KLHDC7B: variants seen among roughly 807,000 people sequenced by gnomAD.
KLHDC7B encodes the protein kelch domain containing 7B, also known as kelch domain-containing protein 7B.
KLHDC7B carries 1 observed loss-of-function variant against 0.6 expected under a neutral mutation model. That is an observed-to-expected ratio of 1.71 (90% confidence interval 0.61 to 8.11). KLHDC7B has a LOEUF of 8.11. KLHDC7B is among the 30% of genes most tolerant of loss of function. The pLI is 0.13. For synonymous variants in KLHDC7B, 462 were observed against 405.2 expected, an observed-to-expected ratio of 1.14 and a Z score of -1.68; for missense variants, 993 against 894.9, an observed-to-expected ratio of 1.11 and a Z score of -1.40.
In KLHDC7B at chr22:50,548,925, G is replaced by A. The variant is rs1183101102; in HGVS notation, c.2682G>A (p.Val894=). Residue 894 remains valine, a synonymous_variant, in exon 1 of 1, where the codon GTG becomes GTA. Transcript: ENST00000648057. This position sits in a 1 kb window ranked among gnomAD's most constrained non-coding sequence, Gnocchi z 5.3. ...YALMSDNLLR[V]LGDPCLYRRL... Reference sequence around the variant, plus strand: ...TGATGAGCGACAACCTGCTGCGAGTGCTGGGAGACCCGTGCCTCTACCGCC... The same window carrying A: ...TGATGAGCGACAACCTGCTGCGAGTACTGGGAGACCCGTGCCTCTACCGCC... The A allele has an allele frequency of 1.3e-6, 2 of 1,596,610 alleles. No homozygotes were observed. The highest frequency in any genetic ancestry group is 1.3e-5 in the African/African-American group (1 of 74,538).
Position 50,548,974 on chromosome 22 carries a change from C to A in KLHDC7B, c.2731C>A (p.Arg911Ser). 7 of 1,598,734 alleles carry A rather than the reference C, an allele frequency of 4.4e-6. No individual in the cohort carries two copies. Among genetic ancestry groups the A allele is most frequent in the Non-Finnish European group, 6.0e-6 (7 of 1,174,970 alleles). The change falls in exon 1 of 1, where the codon CGC (arginine) becomes AGC (serine). Residue 911 changes from arginine (R) to serine (S), a missense_variant. Transcript: ENST00000648057. The surrounding 1 kb of genome is among the most constrained non-coding windows in gnomAD (Gnocchi z 5.3). ...CCGGCTGAGCGCGGCCGACCGCGAG[C>A]GCATCCTCAGCCTGCGGACCGGCCG... ...YRRLSAADRE[R>S]ILSLRTGRGR...
rs2069766154 is a variant in KLHDC7B, at chr22:50,548,812, C to CA, written c.646_647insA (p.Arg216GlnfsTer372). ...GCCCGCCACGGCGGCAGCCCTGCGG[C>CA]GGCGGCTGGACCTGGGCAGTTGCCT... On this transcript the variant is annotated frameshift_variant, in exon 1 of 1. Coordinates refer to the KLHDC7B transcript ENST00000395676. LOFTEE classifies it low-confidence loss of function (END_TRUNC). This position sits in a 1 kb window ranked among gnomAD's most constrained non-coding sequence, Gnocchi z 5.3. The CA allele has an allele frequency of 6.7e-7, 1 of 1,483,192 alleles. No individual in the cohort carries two copies. Among genetic ancestry groups the CA allele is most frequent in the African/African-American group, 1.5e-5 (1 of 68,270 alleles). The allele number at this position is 1,483,192 out of a possible 1,614,324, so 91.9% of individuals were successfully genotyped here.
Position 50,549,671 on chromosome 22 carries a change from G to A in KLHDC7B, c.3428G>A (p.Arg1143Gln), listed in dbSNP as rs779871646. 13 of 1,554,154 alleles carry A rather than the reference G, an allele frequency of 8.4e-6. No homozygotes were observed. Among genetic ancestry groups the A allele is most frequent in the Admixed American group, 3.6e-5 (2 of 55,198 alleles). ...GGFLYRFDLLRGVGAAVMRYN... is the reference protein window; with the variant it reads ...GGFLYRFDLLQGVGAAVMRYN... ...TTCCTGTACCGCTTCGACCTGCTGCGGGGCGTGGGCGCCGCCGTGATGCGC... is the reference window on the plus strand; with the variant it reads ...TTCCTGTACCGCTTCGACCTGCTGCAGGGCGTGGGCGCCGCCGTGATGCGC... Residue 1143 changes from arginine to glutamine, a missense_variant, in exon 1 of 1, where the codon CGG becomes CAG. Arg to Gln is a conservative substitution (Grantham distance 43). Transcript: ENST00000648057.
Position 50,549,003 on chromosome 22 carries a change from C to T in KLHDC7B, c.2760C>T (p.Gly920=), listed in dbSNP as rs772541362. The part of the protein sequence containing the change: ...ERILSLRTGR[G]RAVLGVLVLP... The stretch of plus-strand genomic sequence containing the variant: ...TCCTCAGCCTGCGGACCGGCCGGGG[C>T]CGGGCGGTGCTGGGCGTCCTCGTAC... The change falls in exon 1 of 1, where the codon GGC becomes GGT. Residue 920 remains glycine (G), a synonymous_variant. Transcript: ENST00000648057. 1 of 1,596,190 alleles carries T rather than the reference C, an allele frequency of 6.3e-7. No individual in the cohort carries two copies. The highest frequency in any genetic ancestry group is 1.1e-5 in the South Asian group (1 of 90,220).
Position 50,547,400 on chromosome 22 carries a change from C to T in KLHDC7B, c.1157C>T (p.Ala386Val), listed in dbSNP as rs1016973580. 7.9e-5 allele frequency among the ~76,000 whole-genome samples: 12 copies of T among 151,976 alleles called. No individual in the cohort carries two copies. Among genetic ancestry groups the T allele is most frequent in the Non-Finnish European group, 1.2e-4 (8 of 67,934 alleles). Reference sequence around the variant, plus strand: ...GACAGCTCCCGAGATAACAGTCCTGCCGCTGACCTGGGGCCCACCCGGCCC... The same window carrying T: ...GACAGCTCCCGAGATAACAGTCCTGTCGCTGACCTGGGGCCCACCCGGCCC... ...GADSSRDNSP[A>V]ADLGPTRPPE... Residue 386 changes from alanine (A) to valine (V), a missense_variant, in exon 1 of 1, where the codon GCC (alanine) becomes GTC (valine). By Grantham distance (64) the Ala-to-Val change is moderately conservative. Coordinates refer to ENST00000648057, the MANE Select transcript of KLHDC7B (RefSeq NM_138433.5).
chr22:50,550,112 G>A lies in KLHDC7B; in HGVS notation c.*161G>A. Reference sequence around the variant, plus strand: ...TGCTTTAAAGGTTGTCGATTATTTTGAAGCCCAGACTCCCTCAGCCTCTTT... The same window carrying A: ...TGCTTTAAAGGTTGTCGATTATTTTAAAGCCCAGACTCCCTCAGCCTCTTT... On this transcript the variant is annotated 3_prime_UTR_variant, in exon 1 of 1. Coordinates refer to ENST00000648057, the MANE Select transcript of KLHDC7B (RefSeq NM_138433.5). The A allele has an allele frequency of 2.6e-6, 2 of 757,288 alleles. No homozygotes were observed. The highest frequency in any genetic ancestry group is 5.8e-5 in the East Asian group (2 of 34,240). The allele number at this position is 757,288 out of a possible 1,614,324, so 46.9% of individuals were successfully genotyped here.
Position 50,549,373 on chromosome 22 carries a change from C to T in KLHDC7B, c.3130C>T (p.Leu1044=), listed in dbSNP as rs149296076. ...CCGAGCCCAGCTCAAGCTGGTGGCC[C>T]TGGACGGGCTGCTCTATGCCATCGG... ...QARAQLKLVA[L]DGLLYAIGGE... Residue 1044 remains leucine (L), a synonymous_variant, in exon 1 of 1, where the codon CTG becomes TTG. Coordinates refer to ENST00000648057, the MANE Select transcript of KLHDC7B (RefSeq NM_138433.5). 8.9e-5 allele frequency: 144 copies of T among 1,612,886 alleles called. No individual in the cohort carries two copies. The African/African-American group carries it at 1.8e-3, about 20-fold the overall frequency.
At position 50,549,365 on chromosome 22, in the gene KLHDC7B, T is replaced by C. The variant is rs1341076104; in HGVS notation, c.3122T>C (p.Leu1041Pro). The change falls in exon 1 of 1, where the codon CTG becomes CCG. Residue 1041 changes from leucine to proline, a missense_variant. Leu to Pro is a moderately conservative substitution (Grantham distance 98). Transcript: ENST00000648057. ...PMQQARAQLK[L>P]VALDGLLYAI... ...CAGCAGGCCCGAGCCCAGCTCAAGC[T>C]GGTGGCCCTGGACGGGCTGCTCTAT... 1 of 1,612,862 alleles carries C rather than the reference T, an allele frequency of 6.2e-7. No individual in the cohort carries two copies. Among genetic ancestry groups the C allele is most frequent in the Admixed American group, 1.7e-5 (1 of 60,026 alleles).
In KLHDC7B at chr22:50,549,088, C is replaced by A. The variant is rs756826094; in HGVS notation, c.2845C>A (p.Pro949Thr). The A allele has an allele frequency of 1.2e-5, 20 of 1,600,134 alleles. No individual in the cohort carries two copies. The highest frequency in any genetic ancestry group is 1.6e-5 in the Non-Finnish European group (19 of 1,179,420). ...CCCCAGGGGCCCTCGTGGCGAGGAGCCTCCTGCGGCGGCCCCTGTGTCCCT... is the reference window on the plus strand; with the variant it reads ...CCCCAGGGGCCCTCGTGGCGAGGAGACTCCTGCGGCGGCCCCTGTGTCCCT... ...GLPRGPRGEE[P>T]PAAAPVSLPL... The change falls in exon 1 of 1, where the codon CCT becomes ACT. Residue 949 changes from proline to threonine, a missense_variant. Transcript: ENST00000648057.
rs948632824 is a variant in KLHDC7B, at chr22:50,550,162, T to A, written c.*211T>A. 2 of 538,216 alleles carry A rather than the reference T, an allele frequency of 3.7e-6. No individual in the cohort carries two copies. Among genetic ancestry groups the A allele is most frequent in the Non-Finnish European group, 6.6e-6 (2 of 303,226 alleles). 33.3% of individuals were successfully genotyped at this position (538,216 alleles called of 1,614,324 possible). A position where few individuals can be genotyped will look rare whatever the true frequency, so the allele number is the denominator to read the frequency against. ...TCTGCCCCTCACTCCACACCCAGAC[T>A]GTTTCCTGACTCAATTCCGTACCTA... On this transcript the variant is annotated 3_prime_UTR_variant, in exon 1 of 1. Coordinates refer to ENST00000648057, the MANE Select transcript of KLHDC7B (RefSeq NM_138433.5).
In KLHDC7B at chr22:50,550,022, C is replaced by G. The variant is rs868098009; in HGVS notation, c.*71C>G. The stretch of plus-strand genomic sequence containing the variant: ...CCCTCCTGGGATGGGCCTGAGAGGC[C>G]GGGGCTCAGGGAAGGGGCTGGGATC... On this transcript the variant is annotated 3_prime_UTR_variant, in exon 1 of 1. Transcript: ENST00000648057. The G allele has an allele frequency of 6.4e-6, 9 of 1,405,630 alleles. No individual in the cohort carries two copies. The highest frequency in any genetic ancestry group is 3.9e-4 in the Middle Eastern group (2 of 5,098). 87.1% of individuals were successfully genotyped at this position (1,405,630 alleles called of 1,614,324 possible).
In KLHDC7B at chr22:50,546,513, C is replaced by A; in HGVS notation, c.270C>A (p.Ser90Arg). ...TCAGTGATGGCAGCGAGGGGCAGAG[C>A]CCAGGGCAGGGGAAACCAGAGCCCC... Reference protein sequence around the residue: ...SKVSDGSEGQSPGQGKPEPPG... With the variant: ...SKVSDGSEGQRPGQGKPEPPG... The change falls in exon 1 of 1, where the codon AGC (serine) becomes AGA (arginine). Residue 90 changes from serine (S) to arginine (R), a missense_variant. Transcript: ENST00000648057. 5.0e-6 allele frequency: 2 copies of A among 399,182 alleles called. No individual in the cohort carries two copies. The highest frequency in any genetic ancestry group is 2.1e-5 in the African/African-American group (1 of 48,760). 24.7% of individuals were successfully genotyped at this position (399,182 alleles called of 1,614,324 possible).
rs574205411 is a variant in KLHDC7B at position 50,548,169 on chromosome 22, G to C, written c.1926G>C (p.Met642Ile). 6.6e-7 allele frequency: 1 copy of C among 1,509,148 alleles called. No homozygotes were observed. The highest frequency in any genetic ancestry group is 2.5e-5 in the East Asian group (1 of 40,430). The allele number at this position is 1,509,148 out of a possible 1,614,324, so 93.5% of individuals were successfully genotyped here. A position where few individuals can be genotyped will look rare whatever the true frequency, so the allele number is the denominator to read the frequency against. Residue 642 changes from methionine (M) to isoleucine (I), a missense_variant, in exon 1 of 1, where the codon ATG becomes ATC. Met to Ile is a conservative substitution (Grantham distance 10, BLOSUM62 1). Coordinates refer to ENST00000648057, the MANE Select transcript of KLHDC7B (RefSeq NM_138433.5). This position sits in a 1 kb window ranked among gnomAD's most constrained non-coding sequence, Gnocchi z 5.3. ...CCAGCTGGGGAAACCTTATTGCCATGGTTCTTAGAAGCCACCCCTTCCCCA... is the reference window on the plus strand; with the variant it reads ...CCAGCTGGGGAAACCTTATTGCCATCGTTCTTAGAAGCCACCCCTTCCCCA... ...VSASWGNLIA[M>I]VLRSHPFPRQ... is the part of the protein sequence containing the mutation.
At position 50,549,550 on chromosome 22, in the gene KLHDC7B, C is replaced by T. The variant is rs528019332; in HGVS notation, c.3307C>T (p.Arg1103Cys). The change falls in exon 1 of 1, where the codon CGC becomes TGC. Residue 1103 changes from arginine to cysteine, a missense_variant. Transcript: ENST00000648057. Reference sequence around the variant, plus strand: ...CGTCACCGGGGGTCACCTCTTCTACCGCCTGCTCAGGTACAGCCCCGTGAA... The same window carrying T: ...CGTCACCGGGGGTCACCTCTTCTACTGCCTGCTCAGGTACAGCCCCGTGAA... ...IYVTGGHLFY[R>C]LLRYSPVKDA... 7.5e-6 allele frequency: 12 copies of T among 1,599,570 alleles called. 1 individual carries two copies. Among genetic ancestry groups the T allele is most frequent in the South Asian group, 3.4e-5 (3 of 89,528 alleles).
Position 50,550,001 on chromosome 22 carries a change from C to T in KLHDC7B, c.*50C>T, listed in dbSNP as rs764258422. 504 of 1,462,956 alleles carry T rather than the reference C, an allele frequency of 3.4e-4. No homozygotes were observed. The highest frequency in any genetic ancestry group is 4.2e-4 in the Non-Finnish European group (458 of 1,099,320). 90.6% of individuals were successfully genotyped at this position (1,462,956 alleles called of 1,614,324 possible). ...CTTCGCTGCTCTCCAGGGAGACCCT[C>T]CTGGGATGGGCCTGAGAGGCCGGGG... On this transcript the variant is annotated 3_prime_UTR_variant, in exon 1 of 1. Coordinates refer to ENST00000648057, the MANE Select transcript of KLHDC7B (RefSeq NM_138433.5).
Position 50,548,616 on chromosome 22 carries a change from C to A in KLHDC7B, c.2373C>A (p.Ala791=). Residue 791 remains alanine, a synonymous_variant, in exon 1 of 1, where the codon GCC becomes GCA. Transcript: ENST00000648057. The surrounding 1 kb of genome is among the most constrained non-coding windows in gnomAD (Gnocchi z 5.3). The part of the protein sequence containing the change: ...PSSEQEVRPA[A]SGDPQGEAPG... ...CGGAGCAGGAGGTCAGGCCGGCCGC[C>A]TCGGGGGACCCTCAAGGGGAGGCGC... is the stretch of plus-strand genomic sequence containing the variant. The A allele has an allele frequency of 6.5e-7, 1 of 1,542,656 alleles. No individual in the cohort carries two copies. The highest frequency in any genetic ancestry group is 1.4e-5 in the African/African-American group (1 of 72,886).
In KLHDC7B at chr22:50,546,794, C is replaced by T. The variant is rs2148694687; in HGVS notation, c.551C>T (p.Pro184Leu). Among the ~76,000 whole-genome samples, 1 of 152,258 alleles carries T rather than the reference C, an allele frequency of 6.6e-6. No homozygotes were observed. The highest frequency in any genetic ancestry group is 2.1e-4 in the South Asian group (1 of 4,832). Residue 184 changes from proline to leucine, a missense_variant, in exon 1 of 1, where the codon CCT becomes CTT. Pro to Leu is a moderately conservative substitution (Grantham distance 98, BLOSUM62 -3). Transcript: ENST00000648057. ...PLLIHFTPRS[P>L]GSEAEAETGG... The stretch of plus-strand genomic sequence containing the variant: ...CTGATCCACTTCACTCCTCGGAGCC[C>T]TGGCAGCGAAGCGGAGGCGGAGACA...
chr22:50,549,069 G>A lies in KLHDC7B; in HGVS notation c.2826G>A (p.Arg942=), dbSNP rs1342348620. Residue 942 remains arginine (R), a synonymous_variant, in exon 1 of 1, where the codon AGG becomes AGA. Coordinates refer to ENST00000648057, the MANE Select transcript of KLHDC7B (RefSeq NM_138433.5). The part of the protein sequence containing the change: ...LYQGGRSGLP[R]GPRGEEPPAA... ...AGGGGGGCCGCTCAGGGCTCCCCAG[G>A]GGCCCTCGTGGCGAGGAGCCTCCTG... 6.3e-7 allele frequency: 1 copy of A among 1,599,450 alleles called. No individual in the cohort carries two copies. The highest frequency in any genetic ancestry group is 2.2e-5 in the East Asian group (1 of 44,848).
rs1000841692 is a variant in KLHDC7B at position 50,547,283 on chromosome 22, G to A, written c.1040G>A (p.Arg347His). Among the ~76,000 whole-genome samples the A allele has an allele frequency of 4.0e-5, 6 of 151,082 alleles. No individual in the cohort carries two copies. The highest frequency in any genetic ancestry group is 7.3e-5 in the African/African-American group (3 of 41,114). The change falls in exon 1 of 1, where the codon CGC becomes CAC. Residue 347 changes from arginine (R) to histidine (H), a missense_variant. Arg to His is a conservative substitution (Grantham distance 29). Transcript: ENST00000648057. Reference sequence around the variant, plus strand: ...TTTGGCCCAGCCCCAGACTCCACGCGCCCCTGGCTAGAGAGTCCGCCTCAA... The same window carrying A: ...TTTGGCCCAGCCCCAGACTCCACGCACCCCTGGCTAGAGAGTCCGCCTCAA... ...RSFGPAPDST[R>H]PWLESPPQGR...
Sources: gnomAD v4.1 joint callset for allele counts (sites outside exome capture counted in the v4.1 genomes callset) on GRCh38, gnomAD v4.1.1 for gene constraint, Gnocchi (gnomAD v3.1) non-coding constraint, MANE v1.5 for transcripts, NCBI Gene and HGNC (gene_info 2026-07-23, HGNC 2026-07-21) for gene names.